Variants in KCNH5 observed in about 807,000 individuals in gnomAD.
KCNH5 encodes the protein voltage-gated delayed rectifier potassium channel KCNH5.
Under a neutral mutation model 96.1 loss-of-function variants are expected in KCNH5, and 46 were observed. The observed-to-expected ratio is 0.48, with a 90% CI of 0.38 to 0.61. KCNH5 has a LOEUF of 0.61. KCNH5 is among the 20% of genes least tolerant of loss of function. The pLI is 0.00. For missense variants in KCNH5, 907 were observed against 1,225.8 expected (o/e 0.74, Z 3.88); for synonymous variants, 439 against 449.8 (o/e 0.98, Z 0.30).
At chr14:62,831,537 T>C (rs1014996018) in intron 8 of KCNH5, among the ~76,000 whole-genome samples, 2 of 152,156 alleles carry the variant, frequency 1.3e-5, no homozygotes, top group African/African-American at 2.4e-5. Context: ...GAGAACTGTC[T>C]GTATCTCTTG....
intron 10 of KCNH5, among the ~76,000 whole-genome samples, chr14:62,761,334 G>A (rs1372935062): frequency 1.4e-5 from 2 of 146,598 alleles, no homozygotes; most frequent in Non-Finnish European, 3.0e-5. Context: ...CAACCTGGGT[G>A]ACAGAATGAG....
At chr14:62,962,343 A>T (rs1434326458) in intron 6 of KCNH5, among the ~76,000 whole-genome samples, 1 of 152,186 alleles carries the variant, frequency 6.6e-6, no homozygotes, top group African/African-American at 2.4e-5. Flanking sequence ...GATATAAAAA[A>T]ATGCTGGAAA....
intron 3 of KCNH5, 101 bp downstream of exon 3, chr14:63,006,265 C>T (rs1688039780): frequency 5.4e-6 from 3 of 559,620 alleles, no homozygotes; most frequent in Admixed American, 6.5e-5. Flanking sequence ...AAAGAAGCAA[C>T]AGAAGGTTTA....
At chr14:63,026,556 A>G (rs1483228505) in intron 1 of KCNH5, among the ~76,000 whole-genome samples, 1 of 152,098 alleles carries the variant, frequency 6.6e-6, no homozygotes, top group South Asian at 2.1e-4. Flanking sequence ...ATATGAATAG[A>G]CATTCCTCAA....
intron 10 of KCNH5, among the ~76,000 whole-genome samples, chr14:62,711,137 G>A (rs1343362206): frequency 6.6e-6 from 1 of 152,154 alleles, no homozygotes; most frequent in Admixed American, 6.5e-5. Flanking sequence ...ACCAAGTTCA[G>A]GGTGTTTTGT....
chr14:62,948,039 CATT>C (rs1212947397), intron 7 of KCNH5, among the ~76,000 whole-genome samples: 12 of 151,490 alleles, frequency 7.9e-5, no homozygotes, highest in African/African-American at 2.9e-4. Flanking sequence ...CATGTAATCT[CATT>C]GTTCAATTCC....
Position 62,730,457 on chromosome 14 carries a change from A to G in KCNH5, c.2020-22002T>C, listed in dbSNP as rs181448080. ...TGGTTGAAAGAGAACAAAATCAATA[A>G]TTTTACAGCAGTAAGGCCCACCATG... On this transcript the variant is annotated intron_variant, in intron 10 of 10. Coordinates refer to ENST00000322893, the MANE Select transcript of KCNH5 (RefSeq NM_139318.5). Among the ~76,000 whole-genome samples the G allele has an allele frequency of 2.0e-5, 3 of 152,296 alleles. No homozygotes were observed. The East Asian group carries it at 5.8e-4, about 29-fold the overall frequency.
chr14:62,908,794 T>TTTTTTTTTTTTTTTTTTTTTTTTC (rs1889084301), intron 7 of KCNH5, among the ~76,000 whole-genome samples: 1 of 126,122 alleles, frequency 7.9e-6, no homozygotes. Flanking sequence ...TTTTTTTTTT[T>TTTTTTTTTTTTTTTTTTTTTTTTC]TTTTTTTTTT....
intron 9 of KCNH5, among the ~76,000 whole-genome samples, chr14:62,790,255 C>T (rs1162457842): frequency 6.6e-6 from 1 of 151,702 alleles, no homozygotes; most frequent in Non-Finnish European, 1.5e-5. Context: ...TGTTCTACTG[C>T]TCCGTGTTTC....
At chr14:62,876,594 A>T (rs1372608356) in intron 7 of KCNH5, among the ~76,000 whole-genome samples, 1 of 152,226 alleles carries the variant, frequency 6.6e-6, no homozygotes, top group African/African-American at 2.4e-5. Context: ...TGACATTTTT[A>T]AAAAATCAAG....
At chr14:62,761,273 T>C (rs1885743022) in intron 10 of KCNH5, among the ~76,000 whole-genome samples, 1 of 151,730 alleles carries the variant, frequency 6.6e-6, no homozygotes, top group South Asian at 2.1e-4. Context: ...GAGAATCACT[T>C]GAACCTGGGA....
rs1242861956 is a variant in KCNH5, at chr14:62,701,882, T to G, written c.*5626A>C. On this transcript the variant is annotated 3_prime_UTR_variant, in exon 11 of 11. Coordinates refer to ENST00000322893, the MANE Select transcript of KCNH5 (RefSeq NM_139318.5). Reference sequence around the variant, plus strand: ...TACAAGTTGCCATTCTAAACAGAAATAGTTCATTTGGATAATGTATTTAAT... The same window carrying G: ...TACAAGTTGCCATTCTAAACAGAAAGAGTTCATTTGGATAATGTATTTAAT... The G allele has an allele frequency of 6.6e-6, 1 of 152,046 alleles. No homozygotes were observed. The highest frequency in any genetic ancestry group is 1.5e-5 in the Non-Finnish European group (1 of 67,958). 9.4% of individuals were successfully genotyped at this position (152,046 alleles called of 1,614,324 possible).
intron 1 of KCNH5, among the ~76,000 whole-genome samples, chr14:63,032,478 T>C (rs1457569227): frequency 2.0e-5 from 3 of 152,182 alleles, no homozygotes; most frequent in African/African-American, 7.2e-5. Context: ...AAGGAAAATC[T>C]GAAGCAAAAG....
intron 10 of KCNH5, among the ~76,000 whole-genome samples, chr14:62,754,252 A>C (rs1311049812): frequency 1.3e-5 from 2 of 152,150 alleles, no homozygotes; most frequent in Admixed American, 1.3e-4. Context: ...CATTCAGCAG[A>C]TACAAAACAA....
rs1595586949 is a variant in KCNH5, at chr14:62,707,366, C to A, written c.*142G>T. The A allele has an allele frequency of 2.4e-6, 1 of 418,026 alleles. No individual in the cohort carries two copies. The highest frequency in any genetic ancestry group is 3.8e-5 in the East Asian group (1 of 26,176). The allele number at this position is 418,026 out of a possible 1,614,324, so 25.9% of individuals were successfully genotyped here. On this transcript the variant is annotated 3_prime_UTR_variant, in exon 11 of 11. Transcript: ENST00000322893. ...TCTTCTTTGGCAGGCCAGAATCCAGCTGGACATGCAATATTTACATATCAA... is the reference window on the plus strand; with the variant it reads ...TCTTCTTTGGCAGGCCAGAATCCAGATGGACATGCAATATTTACATATCAA...
At chr14:62,738,633 C>T (rs1006241172) in intron 10 of KCNH5, among the ~76,000 whole-genome samples, 4 of 152,132 alleles carry the variant, frequency 2.6e-5, no homozygotes, top group Non-Finnish European at 5.9e-5. Flanking sequence ...GTGTTTATAT[C>T]GCTATCAGAT....
chr14:62,732,107 A>C (rs1489358939), intron 10 of KCNH5, among the ~76,000 whole-genome samples: 1 of 152,128 alleles, frequency 6.6e-6, no homozygotes, highest in Non-Finnish European at 1.5e-5. Flanking sequence ...CAATTAGTCA[A>C]AACTCTCTTC....
chr14:62,965,039 T>A (rs1417324012), intron 6 of KCNH5, among the ~76,000 whole-genome samples: 1 of 152,154 alleles, frequency 6.6e-6, no homozygotes, highest in Admixed American at 6.6e-5. Flanking sequence ...CACTGCCAGA[T>A]TCCCCAATAC....
intron 7 of KCNH5, among the ~76,000 whole-genome samples, chr14:62,863,165 A>G (rs1401613832): frequency 6.6e-6 from 1 of 152,150 alleles, no homozygotes; most frequent in East Asian, 1.9e-4. Context: ...TCTTCTATAA[A>G]TCTAATGAGG....
Sources: gnomAD v4.1 joint callset for allele counts (sites outside exome capture counted in the v4.1 genomes callset) on GRCh38, gnomAD v4.1.1 for gene constraint, MANE v1.5 for transcripts, NCBI Gene and HGNC (gene_info 2026-07-23, HGNC 2026-07-21) for gene names.